The following ZNF804B variants were observed in gnomAD, a reference collection of about 807,000 sequenced individuals.
The protein encoded by ZNF804B is zinc finger protein 804B.
A neutral mutation model predicts 101.4 loss-of-function variants in ZNF804B; 80 were observed. That is an observed-to-expected ratio of 0.79 (90% CI 0.66 to 0.95). ZNF804B has a LOEUF of 0.95. Ranked by LOEUF, ZNF804B falls within the 40% of genes least tolerant of loss-of-function variation. The pLI is 0.00. For synonymous variants in ZNF804B, 622 were observed against 558.8 expected (o/e 1.11, Z -1.59); for missense variants, 1,673 against 1,561.9 (o/e 1.07, Z -1.20).
At chr7:89,194,782 A>G (rs1419605116) in intron 1 of ZNF804B, among the ~76,000 whole-genome samples, 11 of 150,870 alleles carry the variant, frequency 7.3e-5, no homozygotes, top group Middle Eastern at 3.5e-3. Flanking sequence ...CTTAGGATTG[A>G]CTTGGCGATG....
chr7:88,857,709 G>T (rs10235292), intron 1 of ZNF804B, among the ~76,000 whole-genome samples: 6,781 of 151,444 alleles, frequency 0.045, 435 homozygotes, highest in African/African-American at 0.14. Flanking sequence ...TACCATAACT[G>T]CTGAAAGTAT....
At chr7:88,786,808 C>T (rs1427049774) in intron 1 of ZNF804B, among the ~76,000 whole-genome samples, 1 of 151,966 alleles carries the variant, frequency 6.6e-6, no homozygotes, top group East Asian at 1.9e-4. Context: ...TTGCATAACA[C>T]TTTTGATAAA....
At chr7:89,285,697 T>A (rs1790185907) in intron 2 of ZNF804B, among the ~76,000 whole-genome samples, 1 of 151,684 alleles carries the variant, frequency 6.6e-6, no homozygotes, top group Non-Finnish European at 1.5e-5. Context: ...GAAAGAGAAA[T>A]GAGTACCAGA....
intron 1 of ZNF804B, among the ~76,000 whole-genome samples, chr7:89,193,405 G>A (rs1788492211): frequency 6.6e-6 from 1 of 151,242 alleles, no homozygotes; most frequent in Non-Finnish European, 1.5e-5. Flanking sequence ...CTGGTGTGCT[G>A]CACCCATTAA....
At chr7:89,252,456 A>C (rs1204606796) in intron 2 of ZNF804B, among the ~76,000 whole-genome samples, 1 of 152,208 alleles carries the variant, frequency 6.6e-6, no homozygotes, top group East Asian at 1.9e-4. Flanking sequence ...TAGTTCAACT[A>C]CAGTGGAAAG....
intron 2 of ZNF804B, among the ~76,000 whole-genome samples, chr7:89,316,511 AG>A (rs1176045485): frequency 6.6e-6 from 1 of 152,114 alleles, no homozygotes; most frequent in Non-Finnish European, 1.5e-5. Flanking sequence ...GCAAAAATAA[AG>A]GGAAAAGCCA....
At chr7:89,062,173 G>A (rs1467820240) in intron 1 of ZNF804B, among the ~76,000 whole-genome samples, 1 of 152,092 alleles carries the variant, frequency 6.6e-6, no homozygotes, top group Non-Finnish European at 1.5e-5. Flanking sequence ...ATAGTAAACA[G>A]AAATATACAA....
chr7:89,172,076 G>A (rs963148468), intron 1 of ZNF804B, among the ~76,000 whole-genome samples: 1 of 152,012 alleles, frequency 6.6e-6, no homozygotes, highest in African/African-American at 2.4e-5. Flanking sequence ...AGCTGAAAGG[G>A]CACTTTGAGT....
At chr7:88,781,418 G>T (rs10230279) in intron 1 of ZNF804B, among the ~76,000 whole-genome samples, 3,434 of 152,198 alleles carry the variant, frequency 0.023, 122 homozygotes, top group African/African-American at 0.078. Flanking sequence ...CTGACTCCTT[G>T]TTGTAGAGAC....
intron 1 of ZNF804B, among the ~76,000 whole-genome samples, chr7:88,877,004 A>AAG (rs1420784309): frequency 1.2e-5 from 1 of 84,878 alleles, no homozygotes; most frequent in African/African-American, 9.1e-5. Context: ...ATTTGAAAAA[A>AAG]AAAATATATA....
At chr7:88,809,377 A>G (rs1583950049) in intron 1 of ZNF804B, among the ~76,000 whole-genome samples, 1 of 151,902 alleles carries the variant, frequency 6.6e-6, no homozygotes, top group East Asian at 1.9e-4. Flanking sequence ...CTACCTACCT[A>G]CTTACTTACC....
At chr7:89,230,222 G>T (rs1789168505) in intron 2 of ZNF804B, among the ~76,000 whole-genome samples, 1 of 151,562 alleles carries the variant, frequency 6.6e-6, no homozygotes. Context: ...GAAAATCAAT[G>T]AAACTAAAAG....
intron 1 of ZNF804B, among the ~76,000 whole-genome samples, chr7:89,021,897 T>A (rs1192103470): frequency 6.6e-6 from 1 of 152,138 alleles, no homozygotes; most frequent in Non-Finnish European, 1.5e-5. Context: ...AATGGGGAAT[T>A]CACACCTTGT....
intron 2 of ZNF804B, among the ~76,000 whole-genome samples, chr7:89,275,840 C>T (rs908876120): frequency 4.0e-5 from 6 of 151,756 alleles, no homozygotes; most frequent in African/African-American, 7.3e-5. Context: ...ATATCCCCAT[C>T]GCCTAGAAAT....
At chr7:89,218,844 T>A (rs1788935324) in intron 2 of ZNF804B, among the ~76,000 whole-genome samples, 1 of 152,166 alleles carries the variant, frequency 6.6e-6, no homozygotes, top group Admixed American at 6.5e-5. Flanking sequence ...TGGAAGTGGA[T>A]CATCATAAAG....
intron 1 of ZNF804B, among the ~76,000 whole-genome samples, chr7:89,027,670 G>A (rs1788770754): frequency 6.6e-6 from 1 of 152,126 alleles, no homozygotes; most frequent in Admixed American, 6.6e-5. Context: ...GGTCTGCACT[G>A]TTATATGTGA....
intron 1 of ZNF804B, among the ~76,000 whole-genome samples, chr7:88,826,546 T>C (rs1208031000): frequency 6.6e-6 from 1 of 152,158 alleles, no homozygotes. Context: ...AGCTTTTAGA[T>C]ATAAATTCAA....
intron 2 of ZNF804B, among the ~76,000 whole-genome samples, chr7:89,274,957 C>A (rs1230115417): frequency 6.6e-6 from 1 of 151,880 alleles, no homozygotes; most frequent in Non-Finnish European, 1.5e-5. Flanking sequence ...GTAATCTCTT[C>A]TGTTCTCAGT....
At chr7:88,864,118 T>C (rs903414780) in intron 1 of ZNF804B, among the ~76,000 whole-genome samples, 1 of 152,188 alleles carries the variant, frequency 6.6e-6, no homozygotes, top group Admixed American at 6.5e-5. Flanking sequence ...GCTACTGCCT[T>C]CATATATTTT....
Sources: gnomAD v4.1 joint callset for allele counts (sites outside exome capture counted in the v4.1 genomes callset) on GRCh38, gnomAD v4.1.1 for gene constraint, MANE v1.5 for transcripts, NCBI Gene and HGNC (gene_info 2026-07-23, HGNC 2026-07-21) for gene names.